CSMD2: variants seen among roughly 807,000 people sequenced by gnomAD.
The protein encoded by CSMD2 is CUB and sushi domain-containing protein 2.
In CSMD2, 130 loss-of-function variants were observed where a neutral mutation model predicts 398.5. The ratio of observed to expected loss-of-function variants is 0.33; its 90% confidence interval spans 0.28 to 0.38. The LOEUF is 0.38. CSMD2 is among the 10% of genes least tolerant of loss of function. The probability of loss-of-function intolerance (pLI) is 1.00; values close to 1 mark genes in which losing one functional copy is unlikely to be tolerated. For synonymous variants in CSMD2, 1,828 were observed against 1,908.5 expected, an observed-to-expected ratio of 0.96 and a Z score of 1.10; for missense variants, 3,829 against 4,764.9, an observed-to-expected ratio of 0.80 and a Z score of 5.78.
intron 2 of CSMD2, among the ~76,000 whole-genome samples, chr1:34,051,221 C>T (rs1653134913): frequency 6.6e-6 from 1 of 152,208 alleles, no homozygotes; most frequent in Admixed American, 6.5e-5. Flanking sequence ...CCAGGCAGGA[C>T]TATTAATGGC....
chr1:33,536,910 G>C, intron 62 of CSMD2, 112 bp downstream of exon 62: 1 of 1,025,408 alleles, frequency 9.8e-7, no homozygotes, highest in Non-Finnish European at 1.5e-6. Context: ...CGCTTTCCAA[G>C]CTCTTGTCCT....
intron 5 of CSMD2, among the ~76,000 whole-genome samples, chr1:33,916,656 A>G (rs1451885592): frequency 6.6e-6 from 1 of 152,124 alleles, no homozygotes; most frequent in East Asian, 1.9e-4. Flanking sequence ...TCTGACTCCC[A>G]TGTCGGCTCA....
chr1:34,018,045 A>G (rs997361058), intron 3 of CSMD2, among the ~76,000 whole-genome samples: 31 of 151,844 alleles, frequency 2.0e-4, no homozygotes, highest in African/African-American at 7.5e-4. Context: ...TTAAAAAAAA[A>G]TTCACCCACA....
intron 19 of CSMD2, among the ~76,000 whole-genome samples, chr1:33,723,044 A>T (rs1196558772): frequency 1.3e-5 from 2 of 152,206 alleles, no homozygotes; most frequent in East Asian, 1.9e-4. Context: ...TCTCACACGT[A>T]CACAGGCATG....
At position 33,623,011 on chromosome 1, in the gene CSMD2, C is replaced by T. The variant is rs78408845; in HGVS notation, c.5722+359G>A. Among the ~76,000 whole-genome samples the T allele has an allele frequency of 5.3e-3, 812 of 152,274 alleles. 5 individuals are homozygous for T. Among genetic ancestry groups the T allele is most frequent in the African/African-American group, 0.018 (752 of 41,542 alleles). Reference sequence around the variant, plus strand: ...GACTGGGGGAACTTTGAAAACATCACGTTAAGTGAAAGAAGCCAAACACAG... The same window carrying T: ...GACTGGGGGAACTTTGAAAACATCATGTTAAGTGAAAGAAGCCAAACACAG... On this transcript the variant is annotated intron_variant, in intron 36 of 70. Transcript: ENST00000373381.
intron 25 of CSMD2, among the ~76,000 whole-genome samples, chr1:33,674,872 G>A (rs1166551017): frequency 2.6e-5 from 4 of 152,172 alleles, no homozygotes; most frequent in Non-Finnish European, 5.9e-5. Context: ...GGTACATAAC[G>A]AAATGAAGGC....
At chr1:34,039,438 T>C (rs1272194672) in intron 2 of CSMD2, among the ~76,000 whole-genome samples, 9 of 152,214 alleles carry the variant, frequency 5.9e-5, no homozygotes, top group Non-Finnish European at 1.5e-5. Flanking sequence ...AAATAAACTT[T>C]TGGTGAGTTA....
intron 15 of CSMD2, among the ~76,000 whole-genome samples, chr1:33,727,665 G>A (rs1646581862): frequency 6.6e-6 from 1 of 152,192 alleles, no homozygotes; most frequent in Non-Finnish European, 1.5e-5. Context: ...GGAAGCAAGT[G>A]TCAAGAGGGA....
intron 4 of CSMD2, among the ~76,000 whole-genome samples, chr1:33,923,896 T>C (rs1247894540): frequency 6.6e-6 from 1 of 152,138 alleles, no homozygotes; most frequent in Non-Finnish European, 1.5e-5. Context: ...CTCCTGTCCA[T>C]GGAAACATTG....
chr1:33,672,470 C>T (rs1644538461), intron 25 of CSMD2, among the ~76,000 whole-genome samples: 2 of 152,162 alleles, frequency 1.3e-5, no homozygotes, highest in African/African-American at 4.8e-5. Flanking sequence ...CTGGGAAGCT[C>T]GAACTGGATG....
intron 25 of CSMD2, among the ~76,000 whole-genome samples, chr1:33,669,369 G>A (rs553134805): frequency 6.6e-6 from 1 of 152,312 alleles, no homozygotes; most frequent in Admixed American, 6.5e-5. Flanking sequence ...CCTGGATCCA[G>A]TTCCCCTCCC....
intron 2 of CSMD2, among the ~76,000 whole-genome samples, chr1:34,073,354 T>C (rs915640547): frequency 7.2e-5 from 11 of 152,268 alleles, no homozygotes; most frequent in African/African-American, 2.7e-4. Context: ...TCAAGGGTAA[T>C]TGAATCCATG....
rs1655431225 is a variant in CSMD2 at position 33,533,285 on chromosome 1, C to T, written c.9992-56G>A. On this transcript the variant is annotated intron_variant, in intron 63 of 70. Transcript: ENST00000373381. The surrounding 1 kb of genome is among the most constrained non-coding windows in gnomAD (Gnocchi z 4.2). ...GAGGAGATTAGGGGCTTCAGGGGCCCTTTCGACCATTCCCCTGTTCCTAGA... is the reference window on the plus strand; with the variant it reads ...GAGGAGATTAGGGGCTTCAGGGGCCTTTTCGACCATTCCCCTGTTCCTAGA... 4.0e-6 allele frequency: 6 copies of T among 1,495,476 alleles called. No homozygotes were observed. In the African/African-American group the frequency reaches 8.3e-5, roughly 21 times the overall value. 92.6% of individuals were successfully genotyped at this position (1,495,476 alleles called of 1,614,324 possible). A position where few individuals can be genotyped will look rare whatever the true frequency, so the allele number is the denominator to read the frequency against.
chr1:33,731,248 C>T (rs558583216), intron 15 of CSMD2, among the ~76,000 whole-genome samples: 5 of 152,066 alleles, frequency 3.3e-5, no homozygotes, highest in Non-Finnish European at 4.4e-5. Context: ...AACTGTATCT[C>T]GGAGTAACCA....
In CSMD2 at chr1:33,749,086, A is replaced by T. The variant is rs80072964; in HGVS notation, c.1847-5480T>A. On this transcript the variant is annotated intron_variant, in intron 13 of 70. Transcript: ENST00000373381. ...ATGAGGAAAACAAAGCTATCAATAC[A>T]GACTTCTTTTTTTTTTTTTTTTTTT... 3.4e-5 allele frequency among the ~76,000 whole-genome samples: 5 copies of T among 146,646 alleles called. No individual in the cohort carries two copies. In the South Asian group the frequency reaches 8.8e-4, roughly 26 times the overall value.
rs903204595 is a variant in CSMD2 at position 33,930,113 on chromosome 1, G to C, written c.712+5647C>G. Reference sequence around the variant, plus strand: ...TCATCATTCCAATTCTCTGAGTCTAGAACAATATTTGGCACTGTATAGGCA... The same window carrying C: ...TCATCATTCCAATTCTCTGAGTCTACAACAATATTTGGCACTGTATAGGCA... On this transcript the variant is annotated intron_variant, in intron 4 of 70. Transcript: ENST00000373381. Among the ~76,000 whole-genome samples, 7 of 152,208 alleles carry C rather than the reference G, an allele frequency of 4.6e-5. 1 individual carries two copies. Among genetic ancestry groups the C allele is most frequent in the African/African-American group, 1.2e-4 (5 of 41,450 alleles).
intron 3 of CSMD2, among the ~76,000 whole-genome samples, chr1:33,980,239 A>T (rs954046198): frequency 1.3e-5 from 2 of 152,058 alleles, no homozygotes; most frequent in African/African-American, 2.4e-5. Flanking sequence ...TCATCTTAGA[A>T]CCCAAATCCC....
chr1:33,866,492 G>A (rs137973807), intron 5 of CSMD2, among the ~76,000 whole-genome samples: 4 of 152,320 alleles, frequency 2.6e-5, no homozygotes, highest in East Asian at 1.9e-4. Flanking sequence ...TTCCCGTTCC[G>A]CATTCCCCAC....
intron 3 of CSMD2, among the ~76,000 whole-genome samples, chr1:33,995,705 C>G (rs539450522): frequency 1.2e-4 from 19 of 152,328 alleles, no homozygotes; most frequent in African/African-American, 4.3e-4. Flanking sequence ...TACAGCAGAG[C>G]TATGAGAGTT....
Sources: allele counts gnomAD v4.1 joint callset (sites outside exome capture counted in the v4.1 genomes callset), GRCh38; gene constraint gnomAD v4.1.1; non-coding constraint Gnocchi (gnomAD v3.1); transcripts MANE v1.5; gene names NCBI Gene and HGNC (gene_info 2026-07-23, HGNC 2026-07-21).